TEX2: variants seen among roughly 807,000 people sequenced by gnomAD.
TEX2 encodes testis-expressed protein 2.
A neutral mutation model predicts 106.9 loss-of-function variants in TEX2; 53 were observed. The observed-to-expected ratio is 0.50, with a 90% CI of 0.40 to 0.62. The LOEUF is 0.62. TEX2 is among the 20% of genes least tolerant of loss of function. The pLI, the probability that TEX2 is intolerant of heterozygous loss-of-function variation, is 0.00. For missense variants in TEX2, 1,207 were observed against 1,379.0 expected (o/e 0.88, Z 1.98); for synonymous variants, 523 against 534.8 (o/e 0.98, Z 0.30).
At position 64,262,144 on chromosome 17, in the gene TEX2, T is replaced by G. The variant is rs149762200; in HGVS notation, c.-26+1024A>C. On this transcript the variant is annotated intron_variant, in intron 1 of 11. Coordinates refer to ENST00000584379, the MANE Select transcript of TEX2 (RefSeq NM_001288732.2). ...ATGCATGTGCAGAGCGGTGATGGTG[T>G]GAAGACGCTGGCACTTCAAACGTGA... Among the ~76,000 whole-genome samples the G allele has an allele frequency of 2.5e-4, 38 of 152,366 alleles. No homozygotes were observed. In the East Asian group the frequency reaches 5.2e-3, roughly 21 times the overall value.
At chr17:64,259,730 GGT>G (rs2034255001) in intron 1 of TEX2, among the ~76,000 whole-genome samples, 2 of 152,052 alleles carry the variant, frequency 1.3e-5, no homozygotes, top group Non-Finnish European at 2.9e-5. Flanking sequence ...CCTGTTATTG[GGT>G]GCTCACTAGA....
At position 64,214,183 on chromosome 17, in the gene TEX2, G is replaced by A; in HGVS notation, c.35C>T (p.Thr12Ile). The A allele has an allele frequency of 6.2e-7, 1 of 1,614,050 alleles. No homozygotes were observed. The highest frequency in any genetic ancestry group is 8.5e-7 in the Non-Finnish European group (1 of 1,179,910). ...TSLYGRHAEK[T>I]TDMPKPSAPK... is the part of the protein sequence containing the mutation. Reference sequence around the variant, plus strand: ...GGCTGATGGTTTTGGCATGTCAGTGGTTTTCTCGGCATGGCGACCATACAG... The same window carrying A: ...GGCTGATGGTTTTGGCATGTCAGTGATTTTCTCGGCATGGCGACCATACAG... The change falls in exon 2 of 12, where the codon ACC becomes ATC. Residue 12 changes from threonine to isoleucine, a missense_variant. Thr to Ile is a moderately conservative substitution (Grantham distance 89). Coordinates refer to ENST00000584379, the MANE Select transcript of TEX2 (RefSeq NM_001288732.2).
intron 1 of TEX2, among the ~76,000 whole-genome samples, chr17:64,250,260 G>A (rs2034064550): frequency 6.6e-6 from 1 of 152,242 alleles, no homozygotes; most frequent in Admixed American, 6.5e-5. Flanking sequence ...TCCAGGTTAA[G>A]TGGGAGCATT....
rs765980623 is a variant in TEX2, at chr17:64,152,929, A to G, written c.3140+16T>C. The G allele has an allele frequency of 1.2e-5, 19 of 1,610,532 alleles. No individual in the cohort carries two copies. The highest frequency in any genetic ancestry group is 1.6e-5 in the Non-Finnish European group (19 of 1,178,588). ...TAGGAGGAATCACTTATTGTCCCTG[A>G]GGGCCCTCTACGCACCATACTCGGT... On this transcript the variant is annotated intron_variant, in intron 10 of 11. Transcript: ENST00000584379.
At chr17:64,181,864 T>C (rs1362079051) in intron 5 of TEX2, among the ~76,000 whole-genome samples, 1 of 151,122 alleles carries the variant, frequency 6.6e-6, no homozygotes, top group African/African-American at 2.4e-5. Flanking sequence ...ATATAATTCA[T>C]AGATCATACA....
chr17:64,240,155 A>G (rs1231231453), intron 1 of TEX2, among the ~76,000 whole-genome samples: 2 of 152,088 alleles, frequency 1.3e-5, no homozygotes, highest in Non-Finnish European at 2.9e-5. Flanking sequence ...AATGCCTGCT[A>G]TGGTAGGGTC....
At chr17:64,255,847 C>T (rs2034174330) in intron 1 of TEX2, 1 of 152,190 alleles carries the variant, frequency 6.6e-6, no homozygotes, top group Non-Finnish European at 1.5e-5. Context: ...CATGTTTGAC[C>T]ACCTGGCTGT....
chr17:64,194,266 A>G (rs2143907070), intron 3 of TEX2, among the ~76,000 whole-genome samples: 1 of 152,350 alleles, frequency 6.6e-6, no homozygotes, highest in Middle Eastern at 3.4e-3. Flanking sequence ...TAAAATCTAG[A>G]TGGGAAGCTA....
intron 1 of TEX2, among the ~76,000 whole-genome samples, chr17:64,253,933 G>A (rs1414707334): frequency 6.6e-6 from 1 of 152,146 alleles, no homozygotes; most frequent in Non-Finnish European, 1.5e-5. Flanking sequence ...TGGGGATAGA[G>A]AGGTGACCAG....
intron 1 of TEX2, among the ~76,000 whole-genome samples, chr17:64,246,944 C>T (rs782177422): frequency 1.1e-4 from 16 of 152,068 alleles, no homozygotes; most frequent in African/African-American, 2.7e-4. Context: ...AAGCCAATGA[C>T]GGGGAACAGA....
chr17:64,213,664 G>A lies in TEX2; in HGVS notation c.554C>T (p.Ala185Val). ...SSASTSTLSSAKPFMSLVKSL... is the reference protein window; with the variant it reads ...SSASTSTLSSVKPFMSLVKSL... ...CTTCACAAGGCTCATGAAGGGTTTTGCACTGGAAAGGGTGGAGGTTGAGGC... is the reference window on the plus strand; with the variant it reads ...CTTCACAAGGCTCATGAAGGGTTTTACACTGGAAAGGGTGGAGGTTGAGGC... Residue 185 changes from alanine (A) to valine (V), a missense_variant, in exon 2 of 12, where the codon GCA (alanine) becomes GTA (valine). Around this residue, in one of 3 missense-constraint regions of TEX2, gnomAD observed 1,067 missense variants for 1,193.6 expected, o/e 0.89. Transcript: ENST00000584379. The surrounding 1 kb of genome is among the most constrained non-coding windows in gnomAD (Gnocchi z 4.4). The A allele has an allele frequency of 1.2e-6, 2 of 1,614,176 alleles. No individual in the cohort carries two copies. Among genetic ancestry groups the A allele is most frequent in the Non-Finnish European group, 1.7e-6 (2 of 1,180,032 alleles).
At chr17:64,230,453 G>A (rs2033630808) in intron 1 of TEX2, among the ~76,000 whole-genome samples, 1 of 152,206 alleles carries the variant, frequency 6.6e-6, no homozygotes, top group Non-Finnish European at 1.5e-5. Flanking sequence ...GGTTCCCTGA[G>A]GAGAACCACT....
chr17:64,245,185 C>G (rs1257129616), intron 1 of TEX2, among the ~76,000 whole-genome samples: 1 of 152,116 alleles, frequency 6.6e-6, no homozygotes, highest in African/African-American at 2.4e-5. Context: ...TTTACAATGA[C>G]TACATGTATG....
intron 9 of TEX2, among the ~76,000 whole-genome samples, chr17:64,154,532 G>A (rs1036977977): frequency 1.3e-5 from 2 of 152,118 alleles, no homozygotes; most frequent in African/African-American, 4.8e-5. Flanking sequence ...CCGGGGGGAG[G>A]GGGTGTATGC....
chr17:64,203,597 A>T (rs940298848), intron 2 of TEX2, among the ~76,000 whole-genome samples: 11 of 152,120 alleles, frequency 7.2e-5, no homozygotes, highest in Non-Finnish European at 1.5e-4. Flanking sequence ...CGTCTAATAA[A>T]CTTTATAGGT....
At chr17:64,215,306 T>G (rs1351228978) in intron 1 of TEX2, among the ~76,000 whole-genome samples, 1 of 152,182 alleles carries the variant, frequency 6.6e-6, no homozygotes, top group African/African-American at 2.4e-5. Context: ...CTTCAGAAGT[T>G]CTGAGGAGGA....
At chr17:64,253,842 G>T (rs782441858) in intron 1 of TEX2, among the ~76,000 whole-genome samples, 3 of 152,106 alleles carry the variant, frequency 2.0e-5, no homozygotes, top group Non-Finnish European at 4.4e-5. Context: ...AAAATTTCAA[G>T]CCCATCTCTT....
At chr17:64,170,620 A>ATT (rs1438812052) in intron 7 of TEX2, among the ~76,000 whole-genome samples, 1 of 56,546 alleles carries the variant, frequency 1.8e-5, no homozygotes, top group African/African-American at 6.4e-5. Context: ...TCTATTCCAA[A>ATT]TCTTTTTTTT....
At chr17:64,191,406 CCG>C (rs1321262502) in intron 4 of TEX2, among the ~76,000 whole-genome samples, 1 of 152,188 alleles carries the variant, frequency 6.6e-6, no homozygotes, top group African/African-American at 2.4e-5. Flanking sequence ...CCATATACCC[CCG>C]TGGGTTACCT....
Sources: gnomAD v4.1 joint callset for allele counts (sites outside exome capture counted in the v4.1 genomes callset) on GRCh38, gnomAD v4.1.1 for gene constraint, gnomAD v4.1.1 regional missense constraint, Gnocchi (gnomAD v3.1) non-coding constraint, MANE v1.5 for transcripts, NCBI Gene and HGNC (gene_info 2026-07-23, HGNC 2026-07-21) for gene names.